ADAM12: variants seen among roughly 807,000 people sequenced by gnomAD.
The protein encoded by ADAM12 is disintegrin and metalloproteinase domain-containing protein 12.
A neutral mutation model predicts 106.4 loss-of-function variants in ADAM12; 70 were observed. The observed-to-expected ratio is 0.66, with a 90% CI of 0.54 to 0.80. The LOEUF (loss-of-function observed/expected upper bound fraction) is 0.80, where lower values mean the gene tolerates loss of function less well. ADAM12 is among the 30% of genes least tolerant of loss of function. ADAM12 has a pLI of 0.00. For synonymous variants in ADAM12, 420 were observed against 433.5 expected (o/e 0.97, Z 0.39); for missense variants, 1,010 against 1,171.9 (o/e 0.86, Z 2.02).
intron 3 of ADAM12, among the ~76,000 whole-genome samples, chr10:126,170,338 T>C (rs1204411572): frequency 6.6e-6 from 1 of 151,964 alleles, no homozygotes; most frequent in Non-Finnish European, 1.5e-5. Flanking sequence ...TTCTGAAGTG[T>C]TCTAAATTGG....
chr10:126,379,262 T>C (rs1856407658), intron 1 of ADAM12, among the ~76,000 whole-genome samples: 1 of 152,160 alleles, frequency 6.6e-6, no homozygotes, highest in Middle Eastern at 3.2e-3. Flanking sequence ...TGCAGCACTA[T>C]TCACAATAAC....
At chr10:126,218,936 C>T (rs1048985473) in intron 3 of ADAM12, among the ~76,000 whole-genome samples, 2 of 152,234 alleles carry the variant, frequency 1.3e-5, no homozygotes, top group African/African-American at 2.4e-5. Context: ...AGCTGCATCA[C>T]GCCTGACCTC....
At chr10:126,185,675 A>G (rs780535668) in intron 3 of ADAM12, among the ~76,000 whole-genome samples, 3 of 151,948 alleles carry the variant, frequency 2.0e-5, no homozygotes, top group Non-Finnish European at 4.4e-5. Context: ...AAGACACACC[A>G]CCCATGGGGA....
intron 3 of ADAM12, among the ~76,000 whole-genome samples, chr10:126,224,161 G>A (rs917301403): frequency 1.3e-5 from 2 of 151,918 alleles, no homozygotes; most frequent in African/African-American, 2.4e-5. Flanking sequence ...GGAGCTGACT[G>A]CCCTCAGGGG....
intron 1 of ADAM12, among the ~76,000 whole-genome samples, chr10:126,340,951 G>A (rs1297764783): frequency 6.6e-6 from 1 of 151,908 alleles, no homozygotes; most frequent in Non-Finnish European, 1.5e-5. Context: ...TCCTGAGCTC[G>A]TGATCCACCC....
At chr10:126,310,149 ACT>A (rs1172013910) in intron 2 of ADAM12, among the ~76,000 whole-genome samples, 1 of 140,040 alleles carries the variant, frequency 7.1e-6, no homozygotes, top group Non-Finnish European at 1.6e-5. Context: ...ACAGAGTGAG[ACT>A]CTGTCTCAAA....
intron 3 of ADAM12, among the ~76,000 whole-genome samples, chr10:126,216,623 G>GC (rs1243365119): frequency 6.6e-6 from 1 of 152,194 alleles, no homozygotes; most frequent in Non-Finnish European, 1.5e-5. Flanking sequence ...CATGTGAAAC[G>GC]CATCACACTG....
Position 126,064,736 on chromosome 10 carries a change from C to T in ADAM12, c.1609+70G>A, listed in dbSNP as rs1364794501. 1 of 1,477,276 alleles carries T rather than the reference C, an allele frequency of 6.8e-7. No individual in the cohort carries two copies. The allele number at this position is 1,477,276 out of a possible 1,614,324, so 91.5% of individuals were successfully genotyped here. Reference sequence around the variant, plus strand: ...AGTGGGGGCTAACCAAAACAGAGCACATGCCCCCAGTCCCACAGCCCAGGT... The same window carrying T: ...AGTGGGGGCTAACCAAAACAGAGCATATGCCCCCAGTCCCACAGCCCAGGT... On this transcript the variant is annotated intron_variant, in intron 14 of 22. Coordinates refer to ENST00000448723, the MANE Select transcript of ADAM12 (RefSeq NM_001288973.2). The surrounding 1 kb of genome is among the most constrained non-coding windows in gnomAD (Gnocchi z 4.4).
chr10:126,173,254 A>G (rs1228729395), intron 3 of ADAM12, among the ~76,000 whole-genome samples: 6 of 152,160 alleles, frequency 3.9e-5, no homozygotes, highest in African/African-American at 1.4e-4. Context: ...TTAAAGTATA[A>G]TAATAATAAA....
intron 3 of ADAM12, among the ~76,000 whole-genome samples, chr10:126,204,980 G>T (rs1488015060): frequency 2.0e-5 from 3 of 152,188 alleles, no homozygotes. Flanking sequence ...GGCCAGGGTG[G>T]ATTGGCTCGG....
chr10:126,347,214 C>T (rs546677640), intron 1 of ADAM12, among the ~76,000 whole-genome samples: 1 of 152,100 alleles, frequency 6.6e-6, no homozygotes, highest in Admixed American at 6.6e-5. Context: ...TTAGGGCAGG[C>T]TGGTGGTGAC....
chr10:126,322,793 C>T (rs1214999374), intron 2 of ADAM12, among the ~76,000 whole-genome samples: 5 of 152,216 alleles, frequency 3.3e-5, no homozygotes, highest in East Asian at 1.9e-4. Context: ...CCAACATCCA[C>T]GGTTCTTCTC....
intron 3 of ADAM12, among the ~76,000 whole-genome samples, chr10:126,247,691 T>C (rs955554650): frequency 6.6e-6 from 1 of 152,230 alleles, no homozygotes; most frequent in African/African-American, 2.4e-5. Context: ...AATTCTTCGC[T>C]GTTATCTAGT....
At chr10:126,297,754 T>C (rs1473528754) in intron 2 of ADAM12, among the ~76,000 whole-genome samples, 1 of 151,980 alleles carries the variant, frequency 6.6e-6, no homozygotes, top group African/African-American at 2.4e-5. Flanking sequence ...ATTTCCAAAG[T>C]AATAAAGTAT....
intron 6 of ADAM12, among the ~76,000 whole-genome samples, chr10:126,116,747 A>C (rs950579267): frequency 6.6e-6 from 1 of 152,112 alleles, no homozygotes; most frequent in Non-Finnish European, 1.5e-5. Flanking sequence ...GACTGAAAGA[A>C]TGAATGTAAA....
At chr10:126,178,380 G>T in intron 3 of ADAM12, among the ~76,000 whole-genome samples, 1 of 146,220 alleles carries the variant, frequency 6.8e-6, no homozygotes. Context: ...TTCCTTTTTG[G>T]CTTACCTTAG....
chr10:126,133,265 G>A (rs571781125), intron 5 of ADAM12, among the ~76,000 whole-genome samples: 1 of 152,214 alleles, frequency 6.6e-6, no homozygotes, highest in African/African-American at 2.4e-5. Context: ...CTTCTCCTGA[G>A]CGCCCACTCT....
intron 3 of ADAM12, among the ~76,000 whole-genome samples, chr10:126,251,257 T>A (rs1172913386): frequency 2.0e-5 from 3 of 152,230 alleles, no homozygotes; most frequent in Non-Finnish European, 4.4e-5. Flanking sequence ...AGTTCCTTCC[T>A]AAACATTTCC....
chr10:126,154,602 A>G (rs1956781174), intron 4 of ADAM12, among the ~76,000 whole-genome samples: 1 of 152,070 alleles, frequency 6.6e-6, no homozygotes, highest in Admixed American at 6.5e-5. Context: ...GAGGGCAGTG[A>G]CTCTGTCCTA....
Sources: allele counts gnomAD v4.1 joint callset (sites outside exome capture counted in the v4.1 genomes callset), GRCh38; gene constraint gnomAD v4.1.1; non-coding constraint Gnocchi (gnomAD v3.1); transcripts MANE v1.5; gene names NCBI Gene and HGNC (gene_info 2026-07-23, HGNC 2026-07-21).